PCDH9: variants seen among roughly 807,000 people sequenced by gnomAD.
PCDH9 encodes protocadherin 9, also known as protocadherin-9.
A neutral mutation model predicts 70.6 loss-of-function variants in PCDH9; 24 were observed. That is an observed-to-expected ratio of 0.34 (90% CI 0.25 to 0.48). The LOEUF (loss-of-function observed/expected upper bound fraction) is 0.48. PCDH9 is among the 20% of genes least tolerant of loss of function. The pLI is 0.99. For synonymous variants in PCDH9, 562 were observed against 558.5 expected (o/e 1.01, Z -0.09); for missense variants, 1,281 against 1,503.6 (o/e 0.85, Z 2.45).
chr13:66,368,559 A>G (rs1459802916), intron 4 of PCDH9, among the ~76,000 whole-genome samples: 1 of 151,830 alleles, frequency 6.6e-6, no homozygotes, highest in African/African-American at 2.4e-5. Context: ...TATTTTATAT[A>G]TATGTATATT....
chr13:66,693,082 A>T (rs1000044198), intron 3 of PCDH9, among the ~76,000 whole-genome samples: 1 of 152,090 alleles, frequency 6.6e-6, no homozygotes, highest in African/African-American at 2.4e-5. Context: ...GATAAGGTGC[A>T]TTTATCAAGA....
At chr13:66,365,268 C>T (rs553538620) in intron 4 of PCDH9, among the ~76,000 whole-genome samples, 1 of 152,140 alleles carries the variant, frequency 6.6e-6, no homozygotes, top group Non-Finnish European at 1.5e-5. Context: ...TCTAACGGCT[C>T]TTGTAGTCCA....
chr13:67,162,831 G>GAA (rs140145043), intron 2 of PCDH9, among the ~76,000 whole-genome samples: 17 of 148,090 alleles, frequency 1.1e-4, no homozygotes, highest in South Asian at 2.1e-4. Flanking sequence ...GTACTGAACT[G>GAA]AAAAAAAAAA....
At chr13:66,874,784 G>C (rs916896648) in intron 3 of PCDH9, among the ~76,000 whole-genome samples, 2 of 152,074 alleles carry the variant, frequency 1.3e-5, no homozygotes, top group South Asian at 2.1e-4. Context: ...AGGCTTGAAG[G>C]CTTCTCTAAA....
At chr13:66,820,310 G>A (rs1172443176) in intron 3 of PCDH9, among the ~76,000 whole-genome samples, 2 of 152,036 alleles carry the variant, frequency 1.3e-5, no homozygotes, top group Non-Finnish European at 2.9e-5. Context: ...ACTCCTAGAA[G>A]GATATTTTTA....
At chr13:66,722,874 A>G (rs998435780) in intron 3 of PCDH9, among the ~76,000 whole-genome samples, 15 of 151,278 alleles carry the variant, frequency 9.9e-5, no homozygotes, top group Admixed American at 8.6e-4. Context: ...AGGCTGAGGC[A>G]GGAAAATTGC....
intron 3 of PCDH9, among the ~76,000 whole-genome samples, chr13:66,833,438 G>T (rs2080962509): frequency 6.6e-6 from 1 of 152,066 alleles, no homozygotes; most frequent in Non-Finnish European, 1.5e-5. Context: ...CCAGGGCAGA[G>T]GGTACCCTAA....
chr13:66,759,844 C>T (rs2079596217), intron 3 of PCDH9, among the ~76,000 whole-genome samples: 1 of 151,974 alleles, frequency 6.6e-6, no homozygotes, highest in Non-Finnish European at 1.5e-5. Flanking sequence ...ATATTTTTAT[C>T]TTTAAATCTT....
intron 3 of PCDH9, among the ~76,000 whole-genome samples, chr13:66,714,604 G>A (rs2078845416): frequency 6.6e-6 from 1 of 151,928 alleles, no homozygotes; most frequent in Admixed American, 6.6e-5. Flanking sequence ...TATCTAATCT[G>A]GCTTACTTAG....
chr13:66,766,709 A>C (rs775032026), intron 3 of PCDH9, among the ~76,000 whole-genome samples: 128 of 151,958 alleles, frequency 8.4e-4, no homozygotes, highest in Non-Finnish European at 1.2e-3. Context: ...CAAATCTACT[A>C]ACATTCTAAC....
At chr13:66,599,761 A>G (rs2077144145) in intron 4 of PCDH9, among the ~76,000 whole-genome samples, 1 of 151,706 alleles carries the variant, frequency 6.6e-6, no homozygotes, top group Admixed American at 6.6e-5. Flanking sequence ...AAGTGCTGAG[A>G]TTGTACTCTT....
At chr13:66,810,032 T>C (rs59086589) in intron 3 of PCDH9, among the ~76,000 whole-genome samples, 2,539 of 152,036 alleles carry the variant, frequency 0.017, 76 homozygotes, top group African/African-American at 0.058. Flanking sequence ...TAGAGGAGAA[T>C]ATATGGGGAA....
intron 2 of PCDH9, among the ~76,000 whole-genome samples, chr13:67,073,105 G>T (rs2085801851): frequency 6.6e-6 from 1 of 152,064 alleles, no homozygotes. Flanking sequence ...AATCACACAA[G>T]GAGCTAGTTA....
At chr13:66,727,825 G>A (rs1366330529) in intron 3 of PCDH9, among the ~76,000 whole-genome samples, 1 of 152,024 alleles carries the variant, frequency 6.6e-6, no homozygotes, top group East Asian at 1.9e-4. Flanking sequence ...TGGGGTCTCA[G>A]TATTGAAGAA....
rs558247630 is a variant in PCDH9, at chr13:66,691,098, C to T, written c.3139-59687G>A. Among the ~76,000 whole-genome samples the T allele has an allele frequency of 2.6e-5, 4 of 152,144 alleles. No individual in the cohort carries two copies. The East Asian group carries it at 7.7e-4, about 29-fold the overall frequency. ...TGTAGCACTGGCCAGAGTGCAGTGG[C>T]ACCATCTTGACTCACTGAAACCTCT... On this transcript the variant is annotated intron_variant, in intron 3 of 4. Transcript: ENST00000377865.
At chr13:66,317,815 A>G (rs1476845346) in intron 4 of PCDH9, among the ~76,000 whole-genome samples, 2 of 152,204 alleles carry the variant, frequency 1.3e-5, no homozygotes, top group Non-Finnish European at 2.9e-5. Context: ...TTGGCTTACA[A>G]TGATAAGGGA....
At chr13:66,980,726 C>CTTTTTTTTTTTTTTT (rs1327800250) in intron 2 of PCDH9, among the ~76,000 whole-genome samples, 6 of 33,396 alleles carry the variant, frequency 1.8e-4, no homozygotes, top group African/African-American at 4.0e-4. Context: ...CTGTTTTTTT[C>CTTTTTTTTTTTTTTT]TTTGTTTTTT....
At chr13:66,801,928 T>C (rs768112197) in intron 3 of PCDH9, among the ~76,000 whole-genome samples, 14 of 152,056 alleles carry the variant, frequency 9.2e-5, no homozygotes, top group Non-Finnish European at 2.1e-4. Flanking sequence ...CAAATCAGGA[T>C]AAGAAATGTA....
At chr13:66,544,206 T>C (rs1334517315) in intron 4 of PCDH9, among the ~76,000 whole-genome samples, 2 of 152,180 alleles carry the variant, frequency 1.3e-5, no homozygotes, top group African/African-American at 4.8e-5. Flanking sequence ...CTATTTCCTA[T>C]CACTGTTTTT....
Sources: gnomAD v4.1 joint callset for allele counts (sites outside exome capture counted in the v4.1 genomes callset) on GRCh38, gnomAD v4.1.1 for gene constraint, MANE v1.5 for transcripts, NCBI Gene and HGNC (gene_info 2026-07-23, HGNC 2026-07-21) for gene names.